The following NACC2 variants were observed in gnomAD, a reference collection of about 807,000 sequenced individuals.
NACC2 encodes nucleus accumbens-associated protein 2.
A neutral mutation model predicts 25.1 loss-of-function variants in NACC2; 8 were observed. The ratio of observed to expected loss-of-function variants is 0.32; its 90% CI spans 0.19 to 0.57. The LOEUF (loss-of-function observed/expected upper bound fraction) is 0.57, where lower values mean the gene tolerates loss of function less well. NACC2 is among the 20% of genes least tolerant of loss of function. The pLI, the probability that NACC2 is intolerant of heterozygous loss-of-function variation, is 0.89. For missense variants in NACC2, 644 were observed against 650.2 expected (o/e 0.99, Z 0.10); for synonymous variants, 435 against 294.7 (o/e 1.48, Z -4.88).
intron 1 of NACC2, among the ~76,000 whole-genome samples, chr9:136,053,260 G>A (rs1380500911): frequency 6.6e-6 from 1 of 152,248 alleles, no homozygotes; most frequent in Non-Finnish European, 1.5e-5. Flanking sequence ...CATGGGCTCA[G>A]CTTCTCCAGA....
chr9:136,018,031 A>G lies in NACC2; in HGVS notation c.887-1602T>C, dbSNP rs1479441515. Among the ~76,000 whole-genome samples, 1 of 151,956 alleles carries G rather than the reference A, an allele frequency of 6.6e-6. No individual in the cohort carries two copies. Among genetic ancestry groups the G allele is most frequent in the African/African-American group, 2.4e-5 (1 of 41,388 alleles). ...AGTCCCCCGGTGGGGGGCGGGGGGC[A>G]GCTTGCAGGACCTGCTGGTCTCAGC... On this transcript the variant is annotated intron_variant, in intron 2 of 5. Transcript: ENST00000277554. This position sits in a 1 kb window ranked among gnomAD's most constrained non-coding sequence, Gnocchi z 4.4.
intron 1 of NACC2, among the ~76,000 whole-genome samples, chr9:136,069,964 T>C (rs1841130807): frequency 6.6e-6 from 1 of 151,918 alleles, no homozygotes; most frequent in Non-Finnish European, 1.5e-5. Context: ...TAACTGACAT[T>C]ACAGAACTCT....
At chr9:136,047,850 G>A (rs908030219) in intron 2 of NACC2, among the ~76,000 whole-genome samples, 1 of 152,178 alleles carries the variant, frequency 6.6e-6, no homozygotes, top group Non-Finnish European at 1.5e-5. Flanking sequence ...CAGCACCCAG[G>A]GGCAGATGCA....
chr9:136,049,122 A>T (rs1840774342), intron 2 of NACC2, among the ~76,000 whole-genome samples: 1 of 152,196 alleles, frequency 6.6e-6, no homozygotes, highest in South Asian at 2.1e-4. Flanking sequence ...GCCCTCCTTG[A>T]AAGAAAGGAA....
At chr9:136,051,388 G>A (rs1163743512) in intron 1 of NACC2, among the ~76,000 whole-genome samples, 2 of 152,170 alleles carry the variant, frequency 1.3e-5, no homozygotes, top group African/African-American at 4.8e-5. Flanking sequence ...CTCCCCACGC[G>A]GGCCAATCCC....
In NACC2 at chr9:136,013,177, CGAGA is replaced by C; in HGVS notation, c.1255+18_1255+21del. On this transcript the variant is annotated intron_variant, in intron 5 of 5. Coordinates refer to ENST00000277554, the MANE Select transcript of NACC2 (RefSeq NM_144653.5). This position sits in a 1 kb window ranked among gnomAD's most constrained non-coding sequence, Gnocchi z 6.6. ...GAACCCAGCCCCGGCCCCACCCACCCGAGAGACCCCCAGGCTCTTACATTTCACA... is the reference window on the plus strand; with the variant it reads ...GAACCCAGCCCCGGCCCCACCCACCCGACCCCCAGGCTCTTACATTTCACA... The C allele has an allele frequency of 6.7e-7, 1 of 1,487,422 alleles. No individual in the cohort carries two copies. The highest frequency in any genetic ancestry group is 1.1e-5 in the South Asian group (1 of 87,828). The allele number at this position is 1,487,422 out of a possible 1,614,324, so 92.1% of individuals were successfully genotyped here.
chr9:136,038,800 T>G (rs1311913142), intron 2 of NACC2, among the ~76,000 whole-genome samples: 2 of 152,094 alleles, frequency 1.3e-5, no homozygotes, highest in Admixed American at 1.3e-4. Flanking sequence ...GGAGGTGGGC[T>G]GAGGGAAGTG....
chr9:136,088,198 C>CT (rs1410252149), intron 1 of NACC2, among the ~76,000 whole-genome samples: 1 of 152,232 alleles, frequency 6.6e-6, no homozygotes, highest in Non-Finnish European at 1.5e-5. Context: ...TAAACGTGCT[C>CT]TGTCCGGCTC....
In NACC2 at chr9:136,007,539, A is replaced by AGACACG. The variant is rs1840041415; in HGVS notation, c.*3976_*3977insCGTGTC. 1 of 127,458 alleles carries AGACACG rather than the reference A, an allele frequency of 7.8e-6. No individual in the cohort carries two copies. Among genetic ancestry groups the AGACACG allele is most frequent in the Non-Finnish European group, 1.7e-5 (1 of 59,348 alleles). The allele number at this position is 127,458 out of a possible 1,614,324, so 7.9% of individuals were successfully genotyped here. ...CACACACAGACGCACAGACGTGCAC[A>AGACACG]CACAGACACGCACACACACACAGAC... is the stretch of plus-strand genomic sequence containing the variant. On this transcript the variant is annotated 3_prime_UTR_variant, in exon 6 of 6. Coordinates refer to ENST00000277554, the MANE Select transcript of NACC2 (RefSeq NM_144653.5).
In NACC2 at chr9:136,049,868, C is replaced by T; in HGVS notation, c.654G>A (p.Leu218=). ...AVAAGTAPLK[L]PRVSYYGVPS... ...GCACCCCGTAGTAGGAGACACGGGGCAGTTTGAGAGGGGCTGTGCCCGCCG... is the reference window on the plus strand; with the variant it reads ...GCACCCCGTAGTAGGAGACACGGGGTAGTTTGAGAGGGGCTGTGCCCGCCG... The change falls in exon 2 of 6, where the codon CTG becomes CTA. Residue 218 remains leucine, a synonymous_variant. Coordinates refer to ENST00000277554, the MANE Select transcript of NACC2 (RefSeq NM_144653.5). The T allele has an allele frequency of 1.6e-6, 1 of 643,366 alleles. No homozygotes were observed. Among genetic ancestry groups the T allele is most frequent in the Non-Finnish European group, 2.9e-6 (1 of 348,174 alleles). The allele number at this position is 643,366 out of a possible 1,614,324, so 39.9% of individuals were successfully genotyped here.
chr9:136,043,516 T>C (rs975295336), intron 2 of NACC2, among the ~76,000 whole-genome samples: 15 of 152,016 alleles, frequency 9.9e-5, no homozygotes, highest in African/African-American at 2.7e-4. Context: ...CTGGTGGGAG[T>C]GCGGCCTCAT....
chr9:136,042,871 A>C (rs78941632), intron 2 of NACC2, among the ~76,000 whole-genome samples: 6 of 118,792 alleles, frequency 5.1e-5, no homozygotes, highest in East Asian at 3.5e-4. Context: ...CACAGAGACA[A>C]ACAGACACAC....
At chr9:136,057,746 G>A (rs1181663196) in intron 1 of NACC2, among the ~76,000 whole-genome samples, 2 of 152,304 alleles carry the variant, frequency 1.3e-5, no homozygotes, top group Admixed American at 6.5e-5. Flanking sequence ...GCCGGGAGGG[G>A]AAGCACCCTC....
chr9:136,063,292 G>A (rs1012314203), intron 1 of NACC2, among the ~76,000 whole-genome samples: 4 of 152,192 alleles, frequency 2.6e-5, no homozygotes, highest in Admixed American at 6.5e-5. Flanking sequence ...CTGGAGGCTG[G>A]GGTCTGACTC....
Position 136,011,199 on chromosome 9 carries a change from G to A in NACC2, c.*317C>T. On this transcript the variant is annotated 3_prime_UTR_variant, in exon 6 of 6. Transcript: ENST00000277554. ...AGGGCAGGGAGGAAGGGGCAGGGCT[G>A]GGCACCAGGGGCCTGGCGGCCTCCC... The A allele has an allele frequency of 4.8e-6, 1 of 206,622 alleles. No individual in the cohort carries two copies. Among genetic ancestry groups the A allele is most frequent in the Non-Finnish European group, 9.6e-6 (1 of 104,706 alleles). 12.8% of individuals were successfully genotyped at this position (206,622 alleles called of 1,614,324 possible). A position where few individuals can be genotyped will look rare whatever the true frequency, so the allele number is the denominator to read the frequency against.
chr9:136,048,297 G>A (rs984725024), intron 2 of NACC2, among the ~76,000 whole-genome samples: 30 of 152,196 alleles, frequency 2.0e-4, no homozygotes, highest in African/African-American at 6.0e-4. Flanking sequence ...GGGGCAGAGG[G>A]AAAGCGCACA....
At chr9:136,014,714 T>C (rs545800585) in intron 3 of NACC2, among the ~76,000 whole-genome samples, 21 of 152,316 alleles carry the variant, frequency 1.4e-4, no homozygotes, top group Admixed American at 2.6e-4. Context: ...CGGAATCCCC[T>C]GGCTGGAGGG....
chr9:136,072,012 T>C (rs558828726), intron 1 of NACC2, among the ~76,000 whole-genome samples: 3 of 148,968 alleles, frequency 2.0e-5, no homozygotes, highest in Non-Finnish European at 4.5e-5. Context: ...CCCAGGTGGG[T>C]GGATCACCTG....
chr9:136,017,307 C>T (rs970349075), intron 2 of NACC2, among the ~76,000 whole-genome samples: 1 of 152,174 alleles, frequency 6.6e-6, no homozygotes, highest in African/African-American at 2.4e-5. Context: ...GCCCATGGTG[C>T]CACCCCGAGG....
Sources: allele counts gnomAD v4.1 joint callset (sites outside exome capture counted in the v4.1 genomes callset), GRCh38; gene constraint gnomAD v4.1.1; non-coding constraint Gnocchi (gnomAD v3.1); transcripts MANE v1.5; gene names NCBI Gene and HGNC (gene_info 2026-07-23, HGNC 2026-07-21).